Variants in NSD3 observed in about 807,000 individuals in gnomAD.
NSD3 encodes the protein histone-lysine N-methyltransferase NSD3.
A neutral mutation model predicts 160.8 loss-of-function variants in NSD3; 24 were observed. The observed-to-expected ratio is 0.15, with a 90% CI of 0.11 to 0.21. The LOEUF (loss-of-function observed/expected upper bound fraction) is 0.21, where lower values mean the gene tolerates loss of function less well. NSD3 is among the 10% of genes least tolerant of loss of function. NSD3 has a pLI of 1.00. For synonymous variants in NSD3, 520 were observed against 600.0 expected (o/e 0.87, Z 1.95); for missense variants, 1,157 against 1,735.9 (o/e 0.67, Z 5.93).
intron 7 of NSD3, among the ~76,000 whole-genome samples, chr8:38,325,213 A>G (rs927899082): frequency 1.3e-5 from 2 of 152,152 alleles, no homozygotes; most frequent in South Asian, 2.1e-4. Flanking sequence ...GAGGGATTGG[A>G]CTCTAACACC....
rs1809125218 is a variant in NSD3, at chr8:38,295,924, G to A, written c.2787C>T (p.Cys929=). 3 of 1,613,358 alleles carry A rather than the reference G, an allele frequency of 1.9e-6. No homozygotes were observed. In the East Asian group the frequency reaches 6.7e-5, roughly 36 times the overall value. ...GGCATTCCGGGTGGAAGGAAGCTGG[G>A]CACGATTCACAGCAGAGCAATCTTC... ...KGGRLLCCES[C]PASFHPECLS... The change falls in exon 16 of 24, where the codon TGC becomes TGT. Residue 929 remains cysteine (C), a synonymous_variant. Transcript: ENST00000317025.
intron 1 of NSD3, among the ~76,000 whole-genome samples, chr8:38,369,841 C>G (rs1281015399): frequency 6.6e-6 from 1 of 152,126 alleles, no homozygotes; most frequent in Non-Finnish European, 1.5e-5. Context: ...GTTGCCCAGG[C>G]TGGAGTGCAG....
At chr8:38,346,953 T>TA (rs1402331388) in intron 2 of NSD3, among the ~76,000 whole-genome samples, 1 of 152,184 alleles carries the variant, frequency 6.6e-6, no homozygotes, top group Non-Finnish European at 1.5e-5. Context: ...TCTCAGATAT[T>TA]AAAAAATTCA....
intron 1 of NSD3, among the ~76,000 whole-genome samples, chr8:38,351,437 G>A (rs1282493392): frequency 2.6e-5 from 4 of 151,104 alleles, no homozygotes; most frequent in Non-Finnish European, 5.9e-5. Context: ...GGCCGAGGTG[G>A]GTGGATCACG....
At chr8:38,303,546 A>G (rs139987980) in intron 14 of NSD3, 3,504 of 287,970 alleles carry the variant, frequency 0.012, 45 homozygotes, top group Non-Finnish European at 0.014. Context: ...TTTACTGCCT[A>G]CCTCCAAGTA....
intron 12 of NSD3, among the ~76,000 whole-genome samples, chr8:38,309,241 GT>G (rs1262482082): frequency 1.3e-5 from 2 of 152,128 alleles, no homozygotes; most frequent in Non-Finnish European, 2.9e-5. Context: ...GGCAAGGCAG[GT>G]GGATCACTTG....
At chr8:38,276,787 C>A (rs1277767694) in intron 22 of NSD3, 1 of 405,310 alleles carries the variant, frequency 2.5e-6, no homozygotes, top group Non-Finnish European at 4.5e-6. Flanking sequence ...TGGGCTCAAG[C>A]AATCCTCTTG....
intron 1 of NSD3, among the ~76,000 whole-genome samples, chr8:38,350,332 C>T (rs1000139731): frequency 6.6e-6 from 1 of 152,118 alleles, no homozygotes; most frequent in Non-Finnish European, 1.5e-5. Context: ...TTTCTCCACA[C>T]CCTCTCCAGC....
At chr8:38,278,041 C>T (rs895635518) in intron 22 of NSD3, among the ~76,000 whole-genome samples, 7 of 151,818 alleles carry the variant, frequency 4.6e-5, no homozygotes, top group Non-Finnish European at 1.0e-4. Flanking sequence ...CGGGTTCACG[C>T]CATTCTCCTG....
Position 38,294,394 on chromosome 8 carries a change from C to G in NSD3, c.2915+1402G>C, listed in dbSNP as rs565587837. Among the ~76,000 whole-genome samples, 19 of 152,238 alleles carry G rather than the reference C, an allele frequency of 1.2e-4. No homozygotes were observed. In the South Asian group the frequency reaches 3.9e-3, roughly 32 times the overall value. On this transcript the variant is annotated intron_variant, in intron 16 of 23. Transcript: ENST00000317025. ...TACAGGCATGAACCACTGTACCTGGCCAAGTTTTAAAACTGTATCACTATA... is the reference window on the plus strand; with the variant it reads ...TACAGGCATGAACCACTGTACCTGGGCAAGTTTTAAAACTGTATCACTATA...
intron 1 of NSD3, among the ~76,000 whole-genome samples, chr8:38,354,768 G>A (rs530336312): frequency 3.9e-5 from 6 of 152,116 alleles, no homozygotes; most frequent in African/African-American, 1.2e-4. Flanking sequence ...GTGTTTGGAA[G>A]AAGTACTAAA....
chr8:38,330,027 G>A (rs1315255117), intron 5 of NSD3, 134 bp from the exon 6 acceptor site: 2 of 1,006,044 alleles, frequency 2.0e-6, no homozygotes, highest in East Asian at 5.1e-5. Flanking sequence ...TCAAACAAGT[G>A]GAATGTTCTA....
intron 14 of NSD3, among the ~76,000 whole-genome samples, chr8:38,300,683 T>C (rs1397677367): frequency 6.6e-6 from 1 of 152,204 alleles, no homozygotes; most frequent in African/African-American, 2.4e-5. Context: ...CCCCAGTTAA[T>C]TCATGATGTA....
In NSD3 at chr8:38,288,506, G is replaced by T. The variant is rs758327617; in HGVS notation, c.3482C>A (p.Thr1161Asn). ...TGCTACCTTCTTAATGCTCCTTTTGGTCCTGAGGCCCCAGCCTCTCCGCTC... is the reference window on the plus strand; with the variant it reads ...TGCTACCTTCTTAATGCTCCTTTTGTTCCTGAGGCCCCAGCCTCTCCGCTC... The part of the protein sequence containing the change: ...KTERRGWGLR[T>N]KRSIKKGEFV... Residue 1161 changes from threonine to asparagine, a missense_variant, in exon 19 of 24, where the codon ACC becomes AAC. Physicochemically the swap from Thr to Asn is moderately conservative, Grantham distance 65 (BLOSUM62 0). Transcript: ENST00000317025. This position sits in a 1 kb window ranked among gnomAD's most constrained non-coding sequence, Gnocchi z 4.5. The T allele has an allele frequency of 6.2e-7, 1 of 1,613,934 alleles. No individual in the cohort carries two copies. The highest frequency in any genetic ancestry group is 1.1e-5 in the South Asian group (1 of 91,072).
intron 14 of NSD3, among the ~76,000 whole-genome samples, chr8:38,304,240 G>T (rs1424696508): frequency 1.3e-5 from 2 of 152,208 alleles, no homozygotes; most frequent in East Asian, 1.9e-4. Flanking sequence ...TATGAAATGG[G>T]AAGGATCTAC....
At position 38,329,637 on chromosome 8, in the gene NSD3, G is replaced by A. The variant is rs768355974; in HGVS notation, c.1322C>T (p.Ser441Leu). 6.2e-7 allele frequency: 1 copy of A among 1,614,248 alleles called. No homozygotes were observed. The highest frequency in any genetic ancestry group is 1.1e-5 in the South Asian group (1 of 91,086). Reference sequence around the variant, plus strand: ...TCTCCGAATTTCAGTACTTGAGAGTGAGGAGGCCACCTCCCCTGCATTGGT... The same window carrying A: ...TCTCCGAATTTCAGTACTTGAGAGTAAGGAGGCCACCTCCCCTGCATTGGT... ...EQTNAGEVAS[S>L]LSSTEIRRHS... is the part of the protein sequence containing the mutation. Residue 441 changes from serine to leucine, a missense_variant, in exon 6 of 24, where the codon TCA becomes TTA. Coordinates refer to ENST00000317025, the MANE Select transcript of NSD3 (RefSeq NM_023034.2). The surrounding 1 kb of genome is among the most constrained non-coding windows in gnomAD (Gnocchi z 4.8).
At chr8:38,286,487 C>A (rs1339439737) in intron 19 of NSD3, among the ~76,000 whole-genome samples, 2 of 152,124 alleles carry the variant, frequency 1.3e-5, no homozygotes, top group Non-Finnish European at 2.9e-5. Context: ...CAGTAGAGGA[C>A]CCAGTTAAGG....
At chr8:38,315,812 CTA>C (rs1585880111) in intron 10 of NSD3, 98 bp downstream of exon 10, 9 of 1,485,952 alleles carry the variant, frequency 6.1e-6, no homozygotes, top group Middle Eastern at 2.4e-4. Flanking sequence ...TGATTTTTTT[CTA>C]TGAGTATTTT....
At chr8:38,370,749 A>G (rs991726918) in intron 1 of NSD3, among the ~76,000 whole-genome samples, 1 of 152,184 alleles carries the variant, frequency 6.6e-6, no homozygotes, top group African/African-American at 2.4e-5. Flanking sequence ...CCCCGTCAAC[A>G]TACTAAAAGC....
Sources: gnomAD v4.1 joint callset for allele counts (sites outside exome capture counted in the v4.1 genomes callset) on GRCh38, gnomAD v4.1.1 for gene constraint, Gnocchi (gnomAD v3.1) non-coding constraint, MANE v1.5 for transcripts, NCBI Gene and HGNC (gene_info 2026-07-23, HGNC 2026-07-21) for gene names.